Variants in CD4 observed in about 807,000 individuals in gnomAD.
CD4 encodes CD4 molecule, also known as T-cell surface glycoprotein CD4.
Under a neutral mutation model 50.5 loss-of-function variants are expected in CD4, and 25 were observed. The observed-to-expected ratio is 0.49, with a 90% CI of 0.36 to 0.69. CD4 has a LOEUF of 0.69. Ranked by LOEUF, CD4 falls within the 30% of genes least tolerant of loss-of-function variation. CD4 has a pLI of 0.00. For synonymous variants in CD4, 207 were observed against 221.9 expected (o/e 0.93, Z 0.60); for missense variants, 456 against 548.5 (o/e 0.83, Z 1.68).
At chr12:6,805,747 A>G (rs557163726) in intron 3 of CD4, among the ~76,000 whole-genome samples, 3 of 152,238 alleles carry the variant, frequency 2.0e-5, no homozygotes, top group African/African-American at 7.2e-5. Flanking sequence ...AGTTTAATCC[A>G]ATTCCTATAA....
intron 5 of CD4, 58 bp downstream of exon 5, chr12:6,815,050 C>A: frequency 8.5e-7 from 1 of 1,170,796 alleles, no homozygotes; most frequent in Non-Finnish European, 1.2e-6. Flanking sequence ...GACAGCCCCT[C>A]CCTCTGCTCT....
At chr12:6,801,882 T>A (rs1415723428) in intron 3 of CD4, among the ~76,000 whole-genome samples, 1 of 150,128 alleles carries the variant, frequency 6.7e-6, no homozygotes, top group African/African-American at 2.5e-5. Flanking sequence ...TTTCTACTTT[T>A]TTTTTTTTGA....
chr12:6,816,480 G>A lies in CD4; in HGVS notation c.955+77G>A. ...TGGCCCAGGGCTCCCTCTGAGGCAA[G>A]CCAGGCCCCAAGAGGGGATGCCTAG... On this transcript the variant is annotated intron_variant, in intron 6 of 9. Transcript: ENST00000011653. The surrounding 1 kb of genome is among the most constrained non-coding windows in gnomAD (Gnocchi z 4.9). 1 of 1,235,906 alleles carries A rather than the reference G, an allele frequency of 8.1e-7. No homozygotes were observed. The highest frequency in any genetic ancestry group is 1.1e-6 in the Non-Finnish European group (1 of 894,816). 76.6% of individuals were successfully genotyped at this position (1,235,906 alleles called of 1,614,324 possible). A position where few individuals can be genotyped will look rare whatever the true frequency, so the allele number is the denominator to read the frequency against.
intron 3 of CD4, among the ~76,000 whole-genome samples, chr12:6,811,491 C>CTTTTTTTTTTTTTTTTTTTTTTCT (rs11318741): frequency 9.0e-6 from 1 of 111,024 alleles, no homozygotes; most frequent in Non-Finnish European, 1.7e-5. Context: ...TTTTCTTTTT[C>CTTTTTTTTTTTTTTTTTTTTTTCT]TTTTTTTTTT....
intron 6 of CD4, 26 bp from the exon 7 acceptor site, chr12:6,817,090 AATCTCAGGCCTTTG>A (rs781841240): frequency 6.5e-7 from 1 of 1,547,208 alleles, no homozygotes; most frequent in Non-Finnish European, 8.9e-7. Flanking sequence ...TGTTCTACTG[AATCTCAGGCCTTTG>A]ATCTCAGCCT....
intron 1 of CD4, among the ~76,000 whole-genome samples, chr12:6,791,658 ATGGCT>A (rs1006794686): frequency 2.0e-5 from 3 of 152,280 alleles, no homozygotes; most frequent in African/African-American, 7.2e-5. Context: ...AGGCAGGAGG[ATGGCT>A]TGAACCTGGG....
chr12:6,793,680 CT>C (rs1338358706), intron 1 of CD4, among the ~76,000 whole-genome samples: 1 of 97,844 alleles, frequency 1.0e-5, no homozygotes, highest in African/African-American at 4.2e-5. Flanking sequence ...ATCTATCTAT[CT>C]ATCTATCTAT....
At chr12:6,794,428 G>C (rs1397159140) in intron 1 of CD4, among the ~76,000 whole-genome samples, 1 of 150,584 alleles carries the variant, frequency 6.6e-6, no homozygotes, top group South Asian at 2.1e-4. Context: ...CTGGAGTGCA[G>C]TGGCGTGATT....
Position 6,817,357 on chromosome 12 carries a change from G to A in CD4, c.1156+27G>A, listed in dbSNP as rs1267486990. The stretch of plus-strand genomic sequence containing the variant: ...TAAGGACCCAGGTTCCAAGGCCTCT[G>A]CCTCCTGGGCTGCGGGACCTTCCTG... On this transcript the variant is annotated intron_variant, in intron 7 of 9. Coordinates refer to ENST00000011653, the MANE Select transcript of CD4 (RefSeq NM_000616.5). 6.5e-6 allele frequency: 10 copies of A among 1,542,052 alleles called. No individual in the cohort carries two copies. The Admixed American group carries it at 2.0e-4, about 30-fold the overall frequency.
chr12:6,793,393 CCT>C (rs1189108479), intron 1 of CD4, among the ~76,000 whole-genome samples: 8 of 152,098 alleles, frequency 5.3e-5, no homozygotes. Context: ...GGAGACTTCC[CCT>C]CTTTCATCCC....
rs200464962 is a variant in CD4, at chr12:6,819,399, C to A, written c.*70C>A. 8.0e-4 allele frequency: 1,155 copies of A among 1,439,908 alleles called. 4 individuals are homozygous for A. The highest frequency in any genetic ancestry group is 1.1e-3 in the Non-Finnish European group (1,079 of 1,021,428). The allele number at this position is 1,439,908 out of a possible 1,614,324, so 89.2% of individuals were successfully genotyped here. A position where few individuals can be genotyped will look rare whatever the true frequency, so the allele number is the denominator to read the frequency against. Reference sequence around the variant, plus strand: ...TGCCCCGCGTTTCCTGCCTGCGGACCAGATGAATGTAGCAGATCCCCAGCC... The same window carrying A: ...TGCCCCGCGTTTCCTGCCTGCGGACAAGATGAATGTAGCAGATCCCCAGCC... On this transcript the variant is annotated 3_prime_UTR_variant, in exon 10 of 10. Coordinates refer to ENST00000011653, the MANE Select transcript of CD4 (RefSeq NM_000616.5).
chr12:6,801,239 C>T (rs1217816014), intron 3 of CD4, among the ~76,000 whole-genome samples: 5 of 150,918 alleles, frequency 3.3e-5, no homozygotes, highest in Admixed American at 6.6e-5. Context: ...AAAAAAAGGC[C>T]GGCTGTAGTG....
At chr12:6,812,015 G>T (rs1381712337) in intron 3 of CD4, among the ~76,000 whole-genome samples, 5 of 152,022 alleles carry the variant, frequency 3.3e-5, no homozygotes, top group Admixed American at 3.3e-4. Context: ...CGAGGGTCTC[G>T]ATTGGCTGCC....
At chr12:6,802,451 G>C (rs1942592771) in intron 3 of CD4, among the ~76,000 whole-genome samples, 1 of 151,890 alleles carries the variant, frequency 6.6e-6, no homozygotes, top group East Asian at 1.9e-4. Context: ...TGGGACTACA[G>C]GTGCACGCCA....
chr12:6,800,036 A>G (rs1356986676), intron 1 of CD4, 36 bp from the exon 2 acceptor site: 2 of 1,026,494 alleles, frequency 1.9e-6, no homozygotes, highest in Non-Finnish European at 3.1e-6. Flanking sequence ...CAGGTCCAGT[A>G]AATGTTTGCT....
chr12:6,809,760 TCA>T (rs1425153141), intron 3 of CD4, among the ~76,000 whole-genome samples: 1 of 152,162 alleles, frequency 6.6e-6, no homozygotes, highest in African/African-American at 2.4e-5. Flanking sequence ...GCGCCACTGC[TCA>T]GTTTCCCAGT....
chr12:6,808,148 A>C (rs1421281009), intron 3 of CD4, among the ~76,000 whole-genome samples: 3 of 151,108 alleles, frequency 2.0e-5, no homozygotes, highest in Admixed American at 6.6e-5. Context: ...TGTAGTTCAA[A>C]TGACTAACCT....
chr12:6,812,635 T>C (rs1942969709), intron 3 of CD4, among the ~76,000 whole-genome samples: 1 of 151,414 alleles, frequency 6.6e-6, no homozygotes, highest in Admixed American at 6.6e-5. Flanking sequence ...GCCAAGATCA[T>C]GCCATTGCAC....
At chr12:6,796,953 C>T (rs1342804762) in intron 1 of CD4, among the ~76,000 whole-genome samples, 1 of 152,246 alleles carries the variant, frequency 6.6e-6, no homozygotes, top group African/African-American at 2.4e-5. Flanking sequence ...CACATCCCTA[C>T]CACCTTTGCA....
Sources: gnomAD v4.1 joint callset for allele counts (sites outside exome capture counted in the v4.1 genomes callset) on GRCh38, gnomAD v4.1.1 for gene constraint, Gnocchi (gnomAD v3.1) non-coding constraint, MANE v1.5 for transcripts, NCBI Gene and HGNC (gene_info 2026-07-23, HGNC 2026-07-21) for gene names.